HOMEZ: variants seen among roughly 807,000 people sequenced by gnomAD.
The protein encoded by HOMEZ is homeobox and leucine zipper encoding.
Under a neutral mutation model 50.1 loss-of-function variants are expected in HOMEZ, and 20 were observed. That is an observed-to-expected ratio of 0.40 (90% CI 0.28 to 0.58). HOMEZ has a LOEUF of 0.58. Ranked by LOEUF, HOMEZ falls within the 20% of genes least tolerant of loss-of-function variation. HOMEZ has a pLI of 0.46. For missense variants in HOMEZ, 579 were observed against 680.5 expected (o/e 0.85, Z 1.66); for synonymous variants, 239 against 254.7 (o/e 0.94, Z 0.59).
Position 23,276,675 on chromosome 14 carries a change from G to A in HOMEZ, c.553C>T (p.Pro185Ser), listed in dbSNP as rs946159070. 7 of 1,614,022 alleles carry A rather than the reference G, an allele frequency of 4.3e-6. No individual in the cohort carries two copies. Among genetic ancestry groups the A allele is most frequent in the Non-Finnish European group, 5.9e-6 (7 of 1,179,900 alleles). The change falls in exon 2 of 2, where the codon CCT becomes TCT. Residue 185 changes from proline (P) to serine (S), a missense_variant. Physicochemically the swap from Pro to Ser is moderately conservative, Grantham distance 74. Transcript: ENST00000357460. The surrounding 1 kb of genome is among the most constrained non-coding windows in gnomAD (Gnocchi z 4.1). ...PTQTKGLKVEPEEPSQMPPLP... is the reference protein window; with the variant it reads ...PTQTKGLKVESEEPSQMPPLP... ...GGTGGCATCTGAGAGGGCTCCTCAG[G>A]CTCTACCTTCAATCCTTTCGTCTGG...
intron 1 of HOMEZ, chr14:23,285,211 T>C (rs1287320701): frequency 6.7e-6 from 1 of 150,062 alleles, no homozygotes; most frequent in Non-Finnish European, 1.5e-5. Context: ...TCATGTAATA[T>C]AAAAGGGCTT....
Position 23,277,116 on chromosome 14 carries a change from G to T in HOMEZ, c.112C>A (p.Pro38Thr). ...NKEASGLSSSPAGLICLPPIS... is the reference protein window; with the variant it reads ...NKEASGLSSSTAGLICLPPIS... ...GGAGGGAGGCAGATGAGCCCCGCTG[G>T]TGAACTACTGAGACCGCTGGCCTCT... Residue 38 changes from proline to threonine, a missense_variant, in exon 2 of 2, where the codon CCA becomes ACA. Physicochemically the swap from Pro to Thr is conservative, Grantham distance 38. Coordinates refer to ENST00000357460, the MANE Select transcript of HOMEZ (RefSeq NM_020834.3). 1 of 1,613,812 alleles carries T rather than the reference G, an allele frequency of 6.2e-7. No homozygotes were observed. The highest frequency in any genetic ancestry group is 1.3e-5 in the African/African-American group (1 of 75,036).
rs139634901 is a variant in HOMEZ, at chr14:23,274,766, T to A, written c.*809A>T. 1 of 151,856 alleles carries A rather than the reference T, an allele frequency of 6.6e-6. No individual in the cohort carries two copies. Among genetic ancestry groups the A allele is most frequent in the Non-Finnish European group, 1.5e-5 (1 of 67,982 alleles). 9.4% of individuals were successfully genotyped at this position (151,856 alleles called of 1,614,324 possible). On this transcript the variant is annotated 3_prime_UTR_variant, in exon 2 of 2. Coordinates refer to ENST00000357460, the MANE Select transcript of HOMEZ (RefSeq NM_020834.3). ...CTAAAAATATAAAAAAGTAGCCGGG[T>A]GTGGTGGCAGGTGCCTGTAGTCCCA...
rs1484901470 is a variant in HOMEZ, at chr14:23,275,004, T to C, written c.*571A>G. 6.6e-6 allele frequency: 1 copy of C among 152,190 alleles called. No individual in the cohort carries two copies. Among genetic ancestry groups the C allele is most frequent in the Non-Finnish European group, 1.5e-5 (1 of 68,082 alleles). The allele number at this position is 152,190 out of a possible 1,614,324, so 9.4% of individuals were successfully genotyped here. ...TGGTATGAGGAAAAGGAAATATTAATATTTGTGATGAGACTGGGACTTATT... is the reference window on the plus strand; with the variant it reads ...TGGTATGAGGAAAAGGAAATATTAACATTTGTGATGAGACTGGGACTTATT... On this transcript the variant is annotated 3_prime_UTR_variant, in exon 2 of 2. Coordinates refer to ENST00000357460, the MANE Select transcript of HOMEZ (RefSeq NM_020834.3).
At position 23,274,287 on chromosome 14, in the gene HOMEZ, A is replaced by G. The variant is rs1300717516; in HGVS notation, c.*1288T>C. ...TCTTTTCTGGAAACAAATTGACAGC[A>G]AAAAGATGAAAAATTAGTCTCTGTC... is the stretch of plus-strand genomic sequence containing the variant. On this transcript the variant is annotated 3_prime_UTR_variant, in exon 2 of 2. Coordinates refer to ENST00000357460, the MANE Select transcript of HOMEZ (RefSeq NM_020834.3). 6.6e-6 allele frequency: 1 copy of G among 152,618 alleles called. No homozygotes were observed. Among genetic ancestry groups the G allele is most frequent in the Non-Finnish European group, 1.5e-5 (1 of 68,044 alleles). 9.5% of individuals were successfully genotyped at this position (152,618 alleles called of 1,614,324 possible).
At chr14:23,284,406 TG>T (rs1337281241) in intron 1 of HOMEZ, among the ~76,000 whole-genome samples, 1 of 152,244 alleles carries the variant, frequency 6.6e-6, no homozygotes, top group Admixed American at 6.5e-5. Context: ...ACTGAGCCAC[TG>T]GATTACATGA....
At chr14:23,281,832 T>A (rs1009142890) in intron 1 of HOMEZ, among the ~76,000 whole-genome samples, 1 of 147,258 alleles carries the variant, frequency 6.8e-6, no homozygotes, top group Non-Finnish European at 1.5e-5. Context: ...ATAATAATAA[T>A]AATAATACAA....
chr14:23,272,669 T>A lies in HOMEZ; in HGVS notation c.*2906A>T. ...ACACTAGATGTAGCAAATCCTAGTT[T>A]GGAAAAGTTAGTTATCATGCAATGA... is the stretch of plus-strand genomic sequence containing the variant. On this transcript the variant is annotated 3_prime_UTR_variant, in exon 2 of 2. Transcript: ENST00000357460. 1.6e-6 allele frequency: 1 copy of A among 644,602 alleles called. No individual in the cohort carries two copies. The highest frequency in any genetic ancestry group is 2.8e-6 in the Non-Finnish European group (1 of 359,088). 39.9% of individuals were successfully genotyped at this position (644,602 alleles called of 1,614,324 possible).
intron 1 of HOMEZ, among the ~76,000 whole-genome samples, chr14:23,283,267 G>A (rs1326810848): frequency 2.0e-5 from 3 of 152,158 alleles, no homozygotes; most frequent in Non-Finnish European, 4.4e-5. Flanking sequence ...TCATGGCTGG[G>A]TGCAGTGGCT....
chr14:23,281,384 C>T (rs1566451628), intron 1 of HOMEZ, among the ~76,000 whole-genome samples: 2 of 152,074 alleles, frequency 1.3e-5, no homozygotes, highest in Admixed American at 6.5e-5. Flanking sequence ...TCAATAAGGC[C>T]AACCTCTGAG....
chr14:23,273,128 G>T lies in HOMEZ; in HGVS notation c.*2447C>A. ...GTTTATATCTCTTCCAGAAGACACT[G>T]GTAGCTCCCCTCATTTCCTACAATT... On this transcript the variant is annotated 3_prime_UTR_variant, in exon 2 of 2. Transcript: ENST00000357460. The T allele has an allele frequency of 3.0e-6, 1 of 332,192 alleles. No individual in the cohort carries two copies. The highest frequency in any genetic ancestry group is 5.5e-6 in the Non-Finnish European group (1 of 182,230). 20.6% of individuals were successfully genotyped at this position (332,192 alleles called of 1,614,324 possible). A position where few individuals can be genotyped will look rare whatever the true frequency, so the allele number is the denominator to read the frequency against.
rs1886290978 is a variant in HOMEZ at position 23,274,570 on chromosome 14, T to C, written c.*1005A>G. On this transcript the variant is annotated 3_prime_UTR_variant, in exon 2 of 2. Coordinates refer to ENST00000357460, the MANE Select transcript of HOMEZ (RefSeq NM_020834.3). ...ACAAACAATGAACAGAGTGAGGATT[T>C]TGGAAAGATAGAAAAAGCTACAAGG... is the stretch of plus-strand genomic sequence containing the variant. 1 of 152,492 alleles carries C rather than the reference T, an allele frequency of 6.6e-6. No homozygotes were observed. Among genetic ancestry groups the C allele is most frequent in the African/African-American group, 2.4e-5 (1 of 41,400 alleles). The allele number at this position is 152,492 out of a possible 1,614,324, so 9.4% of individuals were successfully genotyped here. A position where few individuals can be genotyped will look rare whatever the true frequency, so the allele number is the denominator to read the frequency against.
chr14:23,279,161 T>TTA (rs1454887502), intron 1 of HOMEZ, among the ~76,000 whole-genome samples: 1 of 152,200 alleles, frequency 6.6e-6, no homozygotes, highest in Non-Finnish European at 1.5e-5. Flanking sequence ...TTTTTGTACT[T>TTA]TTAGTAGAGA....
rs776305882 is a variant in HOMEZ at position 23,275,632 on chromosome 14, CTCCTCT to C, written c.1590_1595del (p.Glu536_Glu537del). 2.5e-5 allele frequency: 39 copies of C among 1,550,008 alleles called. No individual in the cohort carries two copies. Among genetic ancestry groups the C allele is most frequent in the Non-Finnish European group, 1.8e-5 (21 of 1,144,138 alleles). On this transcript the variant is annotated inframe_deletion, in exon 2 of 2. Transcript: ENST00000357460. ...CATCATCATCTTCCTCCTCCTCCTC[CTCCTCT>C]TCCTCATCATCTTCTGGCAGTTCTT...
At position 23,285,898 on chromosome 14, in the gene HOMEZ, C is replaced by T. The variant is rs897458583; in HGVS notation, c.40+15G>A. 7.2e-6 allele frequency: 9 copies of T among 1,243,574 alleles called. No homozygotes were observed. The highest frequency in any genetic ancestry group is 9.2e-6 in the Non-Finnish European group (9 of 983,534). The allele number at this position is 1,243,574 out of a possible 1,614,324, so 77.0% of individuals were successfully genotyped here. ...GAGCTGGGAGGGGAAGTCCAAGGGG[C>T]TGGGGATCACTCACCGCAGTCCAGC... On this transcript the variant is annotated intron_variant, in intron 1 of 1. Transcript: ENST00000357460.
Position 23,276,716 on chromosome 14 carries a change from G to C in HOMEZ, c.512C>G (p.Thr171Ser), listed in dbSNP as rs1886370958. Residue 171 changes from threonine (T) to serine (S), a missense_variant, in exon 2 of 2, where the codon ACT (threonine) becomes AGT (serine). Coordinates refer to ENST00000357460, the MANE Select transcript of HOMEZ (RefSeq NM_020834.3). The surrounding 1 kb of genome is among the most constrained non-coding windows in gnomAD (Gnocchi z 4.1). ...TTTCGTCTGGGTAGGCTTGCTAAGA[G>C]TTGGAGGACCTATTCCAATACCAAC... ...EQVGIGIGPP[T>S]LSKPTQTKGL... The C allele has an allele frequency of 6.2e-7, 1 of 1,613,966 alleles. No individual in the cohort carries two copies. The highest frequency in any genetic ancestry group is 1.7e-5 in the Admixed American group (1 of 60,014).
rs532518305 is a variant in HOMEZ at position 23,275,798 on chromosome 14, C to T, written c.1430G>A (p.Arg477Gln). ...ACTCAATTGAGGGATATCAGTTTCC[C>T]GTAGCTGTTGGTGGGCTGCCCAGTA... ...ERYWAAHQQL[R>Q]ETDIPQLSQA... The change falls in exon 2 of 2, where the codon CGG becomes CAG. Residue 477 changes from arginine to glutamine, a missense_variant. Physicochemically the swap from Arg to Gln is conservative, Grantham distance 43. Transcript: ENST00000357460. The T allele has an allele frequency of 3.0e-5, 49 of 1,610,922 alleles. No homozygotes were observed. The highest frequency in any genetic ancestry group is 1.4e-4 in the South Asian group (13 of 90,612).
rs765820026 is a variant in HOMEZ, at chr14:23,277,545, G to A, written c.41-358C>T. On this transcript the variant is annotated intron_variant, in intron 1 of 1. Coordinates refer to ENST00000357460, the MANE Select transcript of HOMEZ (RefSeq NM_020834.3). ...GAGGTGGGAGGATTGCTTGAGCCCA[G>A]AGCTTTGATACCAGCCTGGGCAACA... is the stretch of plus-strand genomic sequence containing the variant. Among the ~76,000 whole-genome samples the A allele has an allele frequency of 1.9e-3, 292 of 152,206 alleles. 2 individuals carry two copies. The highest frequency in any genetic ancestry group is 2.5e-3 in the Non-Finnish European group (172 of 68,004).
rs1886331876 is a variant in HOMEZ, at chr14:23,275,635, CTCTTCCTCA to C, written c.1584_1592del (p.Asp528_Glu530del). 7.3e-7 allele frequency: 1 copy of C among 1,371,194 alleles called. No homozygotes were observed. Among genetic ancestry groups the C allele is most frequent in the Non-Finnish European group, 1.0e-6 (1 of 984,808 alleles). The allele number at this position is 1,371,194 out of a possible 1,614,324, so 84.9% of individuals were successfully genotyped here. ...CATCATCTTCCTCCTCCTCCTCCTC[CTCTTCCTCA>C]TCATCTTCTGGCAGTTCTTCCTCCT... On this transcript the variant is annotated inframe_deletion, in exon 2 of 2. Coordinates refer to ENST00000357460, the MANE Select transcript of HOMEZ (RefSeq NM_020834.3).
Sources: gnomAD v4.1 joint callset for allele counts (sites outside exome capture counted in the v4.1 genomes callset) on GRCh38, gnomAD v4.1.1 for gene constraint, Gnocchi (gnomAD v3.1) non-coding constraint, MANE v1.5 for transcripts, NCBI Gene and HGNC (gene_info 2026-07-23, HGNC 2026-07-21) for gene names.